The following ZNF415 variants were observed in gnomAD, a reference collection of about 807,000 sequenced individuals.
ZNF415 encodes zinc finger protein 415.
Under a neutral mutation model 7.3 loss-of-function variants are expected in ZNF415, and 5 were observed. The observed-to-expected ratio is 0.69, with a 90% CI of 0.36 to 1.44. ZNF415 has a LOEUF of 1.44. ZNF415 is among the 40% of genes most tolerant of loss of function. ZNF415 has a pLI of 0.04. For missense variants in ZNF415, 628 were observed against 664.8 expected, an observed-to-expected ratio of 0.94 and a Z score of 0.61; for synonymous variants, 207 against 226.3, an observed-to-expected ratio of 0.91 and a Z score of 0.77.
At position 53,112,432 on chromosome 19, in the gene ZNF415, C is replaced by T. The variant is rs191476266; in HGVS notation, c.137-2524G>A. Among the ~76,000 whole-genome samples, 15 of 152,244 alleles carry T rather than the reference C, an allele frequency of 9.9e-5. No individual in the cohort carries two copies. The South Asian group carries it at 2.7e-3, about 27-fold the overall frequency. ...TTCAGTCAGCTCTCATGGAAGGCAG[C>T]TATGCTCACCACTACACCACCAATG... On this transcript the variant is annotated intron_variant, in intron 3 of 3. Transcript: ENST00000243643.
chr19:53,132,785 C>G (rs1211492826), intron 1 of ZNF415, 71 bp downstream of exon 1: 1 of 152,340 alleles, frequency 6.6e-6, no homozygotes, highest in African/African-American at 2.4e-5. Context: ...AGGGCCGTAT[C>G]GACCCTGGAC....
chr19:53,120,057 C>CA (rs11444988), intron 2 of ZNF415, among the ~76,000 whole-genome samples: 15,961 of 151,474 alleles, frequency 0.11, 925 homozygotes, highest in African/African-American at 0.16. Flanking sequence ...TTCCCGATAT[C>CA]AAACCAGAAA....
At position 53,109,127 on chromosome 19, in the gene ZNF415, G is replaced by C. The variant is rs762982485; in HGVS notation, c.918C>G (p.Asp306Glu). 1.2e-6 allele frequency: 2 copies of C among 1,613,790 alleles called. No individual in the cohort carries two copies. The highest frequency in any genetic ancestry group is 8.5e-7 in the Non-Finnish European group (1 of 1,179,978). ...GGCATGAATTTCGACTGAAGACCTTGTCACACTCATAACATTTGTAAGGTT... is the reference window on the plus strand; with the variant it reads ...GGCATGAATTTCGACTGAAGACCTTCTCACACTCATAACATTTGTAAGGTT... ...GEKPYKCYEC[D>E]KVFSRNSCLA... The change falls in exon 4 of 4, where the codon GAC becomes GAG. Residue 306 changes from aspartate to glutamate, a missense_variant. By Grantham distance (45) the Asp-to-Glu change is conservative. Coordinates refer to ENST00000243643, the MANE Select transcript of ZNF415 (RefSeq NM_018355.4).
At position 53,108,496 on chromosome 19, in the gene ZNF415, T is replaced by C. The variant is rs747129290; in HGVS notation, c.1549A>G (p.Ile517Val). Residue 517 changes from isoleucine (I) to valine (V), a missense_variant, in exon 4 of 4, where the codon ATC becomes GTC. By Grantham distance (29) the Ile-to-Val change is conservative (BLOSUM62 3). Transcript: ENST00000243643. ...TTGTAAGGTTTCTTTCCAGTATGGA[T>C]TATCTGATGTCTAGTGAGGTTTGGG... Reference protein sequence around the residue: ...VRPNLTRHQIIHTGKKPYKCS... With the variant: ...VRPNLTRHQIVHTGKKPYKCS... The C allele has an allele frequency of 1.2e-6, 2 of 1,614,124 alleles. No individual in the cohort carries two copies. The highest frequency in any genetic ancestry group is 2.2e-5 in the South Asian group (2 of 91,080).
At position 53,127,272 on chromosome 19, in the gene ZNF415, G is replaced by A. The variant is rs554602208; in HGVS notation, c.-67-4529C>T. 1.4e-3 allele frequency among the ~76,000 whole-genome samples: 218 copies of A among 152,182 alleles called. 2 individuals carry two copies. Among genetic ancestry groups the A allele is most frequent in the Non-Finnish European group, 5.4e-4 (37 of 68,012 alleles). ...TCAGACACGCTTACAAACTCCCATGGGGTCTTGCACTCCCCAGATAGTCCA... is the reference window on the plus strand; with the variant it reads ...TCAGACACGCTTACAAACTCCCATGAGGTCTTGCACTCCCCAGATAGTCCA... On this transcript the variant is annotated intron_variant, in intron 1 of 3. Coordinates refer to ENST00000243643, the MANE Select transcript of ZNF415 (RefSeq NM_018355.4).
chr19:53,128,245 C>T (rs1221572282), intron 1 of ZNF415, among the ~76,000 whole-genome samples: 1 of 151,958 alleles, frequency 6.6e-6, no homozygotes, highest in Non-Finnish European at 1.5e-5. Flanking sequence ...GACAGTGGGC[C>T]TCAAGTCTAG....
Position 53,108,148 on chromosome 19 carries a change from A to T in ZNF415, c.*229T>A. On this transcript the variant is annotated 3_prime_UTR_variant, in exon 4 of 4. Transcript: ENST00000243643. The stretch of plus-strand genomic sequence containing the variant: ...AAGCCTCTGCCACACAGTTAGGTGT[A>T]TATGATTTCTCTTTAGCATGGACTC... The T allele has an allele frequency of 1.8e-6, 1 of 542,352 alleles. No individual in the cohort carries two copies. The highest frequency in any genetic ancestry group is 2.7e-5 in the South Asian group (1 of 36,982). The allele number at this position is 542,352 out of a possible 1,614,324, so 33.6% of individuals were successfully genotyped here. A position where few individuals can be genotyped will look rare whatever the true frequency, so the allele number is the denominator to read the frequency against.
intron 1 of ZNF415, among the ~76,000 whole-genome samples, chr19:53,128,430 C>A (rs2089562944): frequency 6.9e-6 from 1 of 144,106 alleles, no homozygotes; most frequent in Non-Finnish European, 1.5e-5. Context: ...TCTCCACTCA[C>A]AGTCCCCTGC....
intron 2 of ZNF415, among the ~76,000 whole-genome samples, chr19:53,121,782 T>G (rs989245093): frequency 6.6e-6 from 1 of 152,140 alleles, no homozygotes; most frequent in Admixed American, 6.5e-5. Flanking sequence ...TAAAACGCCC[T>G]CTAGTACTGA....
rs148927334 is a variant in ZNF415 at position 53,109,709 on chromosome 19, C to T, written c.336G>A (p.Thr112=). 31 of 1,613,746 alleles carry T rather than the reference C, an allele frequency of 1.9e-5. No individual in the cohort carries two copies. The highest frequency in any genetic ancestry group is 1.6e-4 in the Middle Eastern group (1 of 6,084). Residue 112 remains threonine, a synonymous_variant, in exon 4 of 4, where the codon ACG becomes ACA. Transcript: ENST00000243643. The part of the protein sequence containing the change: ...DDERNCNKVT[T]APKENLTCRR... ...TACAAGTAAGATTTTCTTTTGGGGC[C>T]GTAGTCACTTTGTTGCAATTTCTTT...
chr19:53,128,234 G>A (rs922503785), intron 1 of ZNF415, among the ~76,000 whole-genome samples: 3 of 152,068 alleles, frequency 2.0e-5, no homozygotes, highest in Admixed American at 6.6e-5. Context: ...GCTATCTGCA[G>A]GACAGTGGGC....
chr19:53,127,799 C>T (rs2089427932), intron 1 of ZNF415, among the ~76,000 whole-genome samples: 1 of 150,626 alleles, frequency 6.6e-6, no homozygotes, highest in Non-Finnish European at 1.5e-5. Context: ...ATCGCTTGAA[C>T]CTAGGAGGTG....
chr19:53,116,613 CTT>C (rs55841712), intron 2 of ZNF415, among the ~76,000 whole-genome samples, 180 bp from the exon 3 acceptor site: 18 of 43,460 alleles, frequency 4.1e-4, no homozygotes, highest in South Asian at 7.6e-4. Context: ...TTTTTTCTCT[CTT>C]TTTTTTTTTT....
At position 53,109,509 on chromosome 19, in the gene ZNF415, T is replaced by C; in HGVS notation, c.536A>G (p.Gln179Arg). The change falls in exon 4 of 4, where the codon CAA becomes CGA. Residue 179 changes from glutamine (Q) to arginine (R), a missense_variant. Transcript: ENST00000243643. The part of the protein sequence containing the change: ...VNHGSSVSPP[Q>R]IISSTIKTHV... ...GGTTTTGATGGTAGAAGAAATTATTTGGGGTGGTGAAACTGAGGAACCATG... is the reference window on the plus strand; with the variant it reads ...GGTTTTGATGGTAGAAGAAATTATTCGGGGTGGTGAAACTGAGGAACCATG... The C allele has an allele frequency of 1.2e-6, 2 of 1,614,042 alleles. No individual in the cohort carries two copies. The highest frequency in any genetic ancestry group is 1.6e-4 in the Middle Eastern group (1 of 6,062).
In ZNF415 at chr19:53,108,218, C is replaced by T; in HGVS notation, c.*159G>A. The T allele has an allele frequency of 2.8e-6, 2 of 709,676 alleles. No homozygotes were observed. Among genetic ancestry groups the T allele is most frequent in the Non-Finnish European group, 4.5e-6 (2 of 442,200 alleles). 44.0% of individuals were successfully genotyped at this position (709,676 alleles called of 1,614,324 possible). A position where few individuals can be genotyped will look rare whatever the true frequency, so the allele number is the denominator to read the frequency against. Reference sequence around the variant, plus strand: ...AACTTGTGATGAAGGGTTTGCTGTACTCGTAAGGATTCTCTCAAGAATGAA... The same window carrying T: ...AACTTGTGATGAAGGGTTTGCTGTATTCGTAAGGATTCTCTCAAGAATGAA... On this transcript the variant is annotated 3_prime_UTR_variant, in exon 4 of 4. Coordinates refer to ENST00000243643, the MANE Select transcript of ZNF415 (RefSeq NM_018355.4).
At chr19:53,121,161 C>T (rs1027117629) in intron 2 of ZNF415, among the ~76,000 whole-genome samples, 12 of 149,990 alleles carry the variant, frequency 8.0e-5, no homozygotes, top group Admixed American at 3.3e-4. Context: ...TTTGGGAGGC[C>T]GAGGCAGGCA....
Position 53,130,777 on chromosome 19 carries a change from C to T in ZNF415, c.-68+2079G>A, listed in dbSNP as rs374284355. 4.7e-4 allele frequency among the ~76,000 whole-genome samples: 72 copies of T among 152,134 alleles called. No homozygotes were observed. In the East Asian group the frequency reaches 7.9e-3, roughly 17 times the overall value. On this transcript the variant is annotated intron_variant, in intron 1 of 3. Transcript: ENST00000243643. ...TGCTTTGCCTCAGCCTCCTGAGTAG[C>T]TGGGATTACAGATGCGTGTCACCAT...
At chr19:53,129,755 C>A in intron 1 of ZNF415, 1 of 395,878 alleles carries the variant, frequency 2.5e-6, no homozygotes, top group South Asian at 1.3e-4. Flanking sequence ...TTGCCTTTAT[C>A]ACATCTCCCT....
At chr19:53,130,108 C>T (rs1307578153) in intron 1 of ZNF415, among the ~76,000 whole-genome samples, 1 of 151,682 alleles carries the variant, frequency 6.6e-6, no homozygotes, top group Non-Finnish European at 1.5e-5. Flanking sequence ...AATTCCCAGA[C>T]CCTCTTTCAC....
Sources: gnomAD v4.1 joint callset for allele counts (sites outside exome capture counted in the v4.1 genomes callset) on GRCh38, gnomAD v4.1.1 for gene constraint, MANE v1.5 for transcripts, NCBI Gene and HGNC (gene_info 2026-07-23, HGNC 2026-07-21) for gene names.